Variants in REL observed in about 807,000 individuals in gnomAD.
The protein encoded by REL is proto-oncogene c-Rel.
Under a neutral mutation model 45.9 loss-of-function variants are expected in REL, and 15 were observed. The ratio of observed to expected loss-of-function variants is 0.33; its 90% CI spans 0.22 to 0.50. The LOEUF (loss-of-function observed/expected upper bound fraction) is 0.50, where lower values mean the gene tolerates loss of function less well. Ranked by LOEUF, REL falls within the 20% of genes least tolerant of loss-of-function variation. REL has a pLI of 0.98. For synonymous variants in REL, 239 were observed against 242.1 expected, an observed-to-expected ratio of 0.99 and a Z score of 0.12; for missense variants, 601 against 715.2, an observed-to-expected ratio of 0.84 and a Z score of 1.82.
intron 1 of REL, among the ~76,000 whole-genome samples, chr2:60,890,852 T>C (rs375119118): frequency 7.2e-5 from 11 of 152,184 alleles, no homozygotes; most frequent in African/African-American, 2.7e-4. Context: ...TCATTGTATA[T>C]TACTTTACAT....
At position 60,925,702 on chromosome 2, in the gene REL, T is replaced by A. The variant is rs1674251536; in HGVS notation, c.*3167T>A. The A allele has an allele frequency of 5.1e-6, 1 of 196,984 alleles. No homozygotes were observed. The highest frequency in any genetic ancestry group is 2.3e-5 in the African/African-American group (1 of 43,220). 12.2% of individuals were successfully genotyped at this position (196,984 alleles called of 1,614,324 possible). A position where few individuals can be genotyped will look rare whatever the true frequency, so the allele number is the denominator to read the frequency against. ...ATGGATGATAGGTGGGGAGATTTTTTTTTTTTTTAATACAGAATCTCATAG... is the reference window on the plus strand; with the variant it reads ...ATGGATGATAGGTGGGGAGATTTTTATTTTTTTTAATACAGAATCTCATAG... On this transcript the variant is annotated 3_prime_UTR_variant, in exon 10 of 10. Transcript: ENST00000394479.
chr2:60,925,566 A>G lies in REL; in HGVS notation c.*3031A>G, dbSNP rs1399371325. 1 of 181,034 alleles carries G rather than the reference A, an allele frequency of 5.5e-6. No homozygotes were observed. Among genetic ancestry groups the G allele is most frequent in the Admixed American group, 6.3e-5 (1 of 15,902 alleles). The allele number at this position is 181,034 out of a possible 1,614,324, so 11.2% of individuals were successfully genotyped here. On this transcript the variant is annotated 3_prime_UTR_variant, in exon 10 of 10. Transcript: ENST00000394479. ...TTACTTAAAAATATAAATTAAAATA[A>G]ATTTTTAAAATCATAAGCACATAAA...
At position 60,929,073 on chromosome 2, in the gene REL, C is replaced by G. The variant is rs1363785952; in HGVS notation, c.*6538C>G. Reference sequence around the variant, plus strand: ...CAGCCAAAAAACACATGAAAAAATGCTCATCATGACTGGCCATCAGAGAAA... The same window carrying G: ...CAGCCAAAAAACACATGAAAAAATGGTCATCATGACTGGCCATCAGAGAAA... On this transcript the variant is annotated 3_prime_UTR_variant, in exon 10 of 10. Coordinates refer to ENST00000394479, the MANE Select transcript of REL (RefSeq NM_001291746.2). The G allele has an allele frequency of 2.0e-5, 3 of 146,458 alleles. No homozygotes were observed. The highest frequency in any genetic ancestry group is 3.1e-5 in the Non-Finnish European group (2 of 65,502). 9.1% of individuals were successfully genotyped at this position (146,458 alleles called of 1,614,324 possible). A position where few individuals can be genotyped will look rare whatever the true frequency, so the allele number is the denominator to read the frequency against.
In REL at chr2:60,927,405, C is replaced by G; in HGVS notation, c.*4870C>G. The G allele has an allele frequency of 8.6e-6, 2 of 231,802 alleles. No homozygotes were observed. Among genetic ancestry groups the G allele is most frequent in the Non-Finnish European group, 8.5e-6 (1 of 117,052 alleles). The allele number at this position is 231,802 out of a possible 1,614,324, so 14.4% of individuals were successfully genotyped here. ...CACACACACGCACACATACCACAGC[C>G]CTTTGAGACTGAAAGCAGCTCTATT... On this transcript the variant is annotated 3_prime_UTR_variant, in exon 10 of 10. Coordinates refer to ENST00000394479, the MANE Select transcript of REL (RefSeq NM_001291746.2).
chr2:60,891,986 T>C (rs1477420657), intron 2 of REL, among the ~76,000 whole-genome samples, 161 bp downstream of exon 2: 1 of 152,168 alleles, frequency 6.6e-6, no homozygotes, highest in Non-Finnish European at 1.5e-5. Context: ...AAGACATCTA[T>C]TAGATAGATG....
rs1573306676 is a variant in REL, at chr2:60,882,561, G to A, written c.10+711G>A. Among the ~76,000 whole-genome samples the A allele has an allele frequency of 1.3e-5, 2 of 152,176 alleles. 1 individual carries two copies. ...GTGGTGGCGCGCGCCTGTAATCCCA[G>A]CTACTCGGGAAGCTGAGGCAGGAGA... On this transcript the variant is annotated intron_variant, in intron 1 of 9. Transcript: ENST00000394479.
At chr2:60,907,844 C>T (rs538465453) in intron 4 of REL, among the ~76,000 whole-genome samples, 40 of 151,872 alleles carry the variant, frequency 2.6e-4, no homozygotes, top group Non-Finnish European at 4.3e-4. Flanking sequence ...GTGCCCGCCA[C>T]CATGCCCAGC....
rs558180214 is a variant in REL, at chr2:60,922,026, G to A, written c.1255G>A (p.Val419Ile). The A allele has an allele frequency of 3.1e-6, 5 of 1,614,042 alleles. No homozygotes were observed. Among genetic ancestry groups the A allele is most frequent in the Non-Finnish European group, 4.2e-6 (5 of 1,180,026 alleles). ...QGIPPFLRIPVGNDLNASNAC... is the reference protein window; with the variant it reads ...QGIPPFLRIPIGNDLNASNAC... ...TATCCCACCATTCCTGAGAATACCTGTTGGGAATGATTTAAATGCTTCTAA... is the reference window on the plus strand; with the variant it reads ...TATCCCACCATTCCTGAGAATACCTATTGGGAATGATTTAAATGCTTCTAA... The change falls in exon 10 of 10, where the codon GTT (valine) becomes ATT (isoleucine). Residue 419 changes from valine (V) to isoleucine (I), a missense_variant. Physicochemically the swap from Val to Ile is conservative, Grantham distance 29. Coordinates refer to ENST00000394479, the MANE Select transcript of REL (RefSeq NM_001291746.2).
In REL at chr2:60,930,598, A is replaced by G. The variant is rs2104005001; in HGVS notation, c.*8063A>G. ...TAACAGTGGGTAGGATTGAATCTTG[A>G]AAGTAATCATGTCTGTAATGTTTTT... On this transcript the variant is annotated 3_prime_UTR_variant, in exon 10 of 10. Coordinates refer to ENST00000394479, the MANE Select transcript of REL (RefSeq NM_001291746.2). 6.6e-6 allele frequency: 1 copy of G among 152,470 alleles called. No homozygotes were observed. Among genetic ancestry groups the G allele is most frequent in the Middle Eastern group, 3.4e-3 (1 of 294 alleles). 9.4% of individuals were successfully genotyped at this position (152,470 alleles called of 1,614,324 possible).
intron 7 of REL, 48 bp from the exon 8 acceptor site, chr2:60,919,993 T>C: frequency 8.3e-7 from 1 of 1,202,672 alleles, no homozygotes; most frequent in Non-Finnish European, 1.2e-6. Flanking sequence ...AAGGAGAGGA[T>C]ACAATCCTAT....
At chr2:60,917,184 C>T (rs1673993057) in intron 5 of REL, among the ~76,000 whole-genome samples, 167 bp downstream of exon 5, 1 of 152,170 alleles carries the variant, frequency 6.6e-6, no homozygotes, top group Non-Finnish European at 1.5e-5. Context: ...TCTCATCCTC[C>T]AGAGATAATC....
At chr2:60,897,191 C>G (rs190143140) in intron 3 of REL, among the ~76,000 whole-genome samples, 3 of 152,200 alleles carry the variant, frequency 2.0e-5, no homozygotes, top group African/African-American at 7.2e-5. Context: ...TTGACTAATG[C>G]AAGCCTCTTC....
At chr2:60,893,749 G>C (rs1290764172) in intron 2 of REL, among the ~76,000 whole-genome samples, 1 of 152,020 alleles carries the variant, frequency 6.6e-6, no homozygotes, top group African/African-American at 2.4e-5. Flanking sequence ...GGTTTTTATA[G>C]TCCCTGCTTT....
chr2:60,899,071 A>G (rs1024275353), intron 3 of REL: 1 of 152,256 alleles, frequency 6.6e-6, no homozygotes, highest in African/African-American at 2.4e-5. Flanking sequence ...TATTAATATG[A>G]AGAATTCTAT....
rs376260085 is a variant in REL, at chr2:60,921,897, C to A, written c.1126C>A (p.Pro376Thr). Reference protein sequence around the residue: ...LSHHASMAPLPSSSWSSVAHP... With the variant: ...LSHHASMAPLTSSSWSSVAHP... The stretch of plus-strand genomic sequence containing the variant: ...ACATCATGCCTCAATGGCACCTCTG[C>A]CTTCTTCAAGCTGGTCATCAGTGGC... The change falls in exon 10 of 10, where the codon CCT becomes ACT. Residue 376 changes from proline to threonine, a missense_variant. Physicochemically the swap from Pro to Thr is conservative, Grantham distance 38. This residue lies in a region of REL where 334 missense variants were observed against 333.1 expected (regional missense o/e 1.00). Transcript: ENST00000394479. The A allele has an allele frequency of 6.2e-7, 1 of 1,614,120 alleles. No homozygotes were observed. Among genetic ancestry groups the A allele is most frequent in the Non-Finnish European group, 8.5e-7 (1 of 1,180,014 alleles).
In REL at chr2:60,894,535, A is replaced by G; in HGVS notation, c.292A>G (p.Arg98Gly). Residue 98 changes from arginine to glycine, a missense_variant, in exon 3 of 10, where the codon AGA becomes GGA. Around this residue, in one of 4 missense-constraint regions of REL, gnomAD observed 241 missense variants for 347.0 expected, o/e 0.69. Transcript: ENST00000394479. ...YYEAEFGQER[R>G]PLFFQNLGIR... ...TGAAGCAGAATTTGGACAAGAACGCAGACCTTTGTTGTAAGTACACAGTTA... is the reference window on the plus strand; with the variant it reads ...TGAAGCAGAATTTGGACAAGAACGCGGACCTTTGTTGTAAGTACACAGTTA... 6.3e-7 allele frequency: 1 copy of G among 1,599,706 alleles called. No homozygotes were observed. Among genetic ancestry groups the G allele is most frequent in the South Asian group, 1.1e-5 (1 of 88,508 alleles).
At chr2:60,891,870 A>G (rs62149422) in intron 2 of REL, 45 bp downstream of exon 2, 23 of 1,524,408 alleles carry the variant, frequency 1.5e-5, no homozygotes, top group Non-Finnish European at 2.0e-5. Flanking sequence ...TAGTTGCTTC[A>G]TATACTAGCT....
Position 60,928,526 on chromosome 2 carries a change from T to A in REL, c.*5991T>A, listed in dbSNP as rs1418675952. The A allele has an allele frequency of 2.1e-5, 3 of 145,400 alleles. No homozygotes were observed. The highest frequency in any genetic ancestry group is 4.5e-5 in the Non-Finnish European group (3 of 66,070). The allele number at this position is 145,400 out of a possible 1,614,324, so 9.0% of individuals were successfully genotyped here. ...GCCCTCAGAAATAACGCCGCATATC[T>A]ACAACTATCTGATCTTTGACAAACC... On this transcript the variant is annotated 3_prime_UTR_variant, in exon 10 of 10. Coordinates refer to ENST00000394479, the MANE Select transcript of REL (RefSeq NM_001291746.2).
intron 7 of REL, among the ~76,000 whole-genome samples, chr2:60,919,762 T>C (rs1408277220): frequency 3.3e-5 from 5 of 152,016 alleles, no homozygotes; most frequent in African/African-American, 1.2e-4. Flanking sequence ...GGTTTTGTCA[T>C]GTTGCTTAGG....
Sources: gnomAD v4.1 joint callset for allele counts (sites outside exome capture counted in the v4.1 genomes callset) on GRCh38, gnomAD v4.1.1 for gene constraint, gnomAD v4.1.1 regional missense constraint, MANE v1.5 for transcripts, NCBI Gene and HGNC (gene_info 2026-07-23, HGNC 2026-07-21) for gene names.